SPAG16: variants seen among roughly 807,000 people sequenced by gnomAD.
SPAG16 encodes the protein sperm-associated antigen 16 protein.
Under a neutral mutation model 80.4 loss-of-function variants are expected in SPAG16, and 86 were observed. The observed-to-expected ratio is 1.07, with a 90% CI of 0.90 to 1.28. The LOEUF (loss-of-function observed/expected upper bound fraction) is 1.28, where lower values mean the gene tolerates loss of function less well. SPAG16 is among the 50% of genes most tolerant of loss of function. SPAG16 has a pLI of 0.00. For missense variants in SPAG16, 870 were observed against 765.3 expected (o/e 1.14, Z -1.61); for synonymous variants, 294 against 265.9 (o/e 1.11, Z -1.03).
At position 213,422,153 on chromosome 2, in the gene SPAG16, G is replaced by T. The variant is rs774534493; in HGVS notation, c.942+47034G>T. On this transcript the variant is annotated intron_variant, in intron 9 of 15. Transcript: ENST00000331683. ...CACTTTGCAGGTGATGAGAAGGAGAGAAGAGCTGTGGCCCTTCAGGGAGCC... is the reference window on the plus strand; with the variant it reads ...CACTTTGCAGGTGATGAGAAGGAGATAAGAGCTGTGGCCCTTCAGGGAGCC... The T allele has an allele frequency of 4.3e-6, 3 of 699,160 alleles. No individual in the cohort carries two copies. The South Asian group carries it at 4.4e-5, about 10-fold the overall frequency. The allele number at this position is 699,160 out of a possible 1,614,324, so 43.3% of individuals were successfully genotyped here.
chr2:213,953,063 G>A (rs1447438015), intron 12 of SPAG16, among the ~76,000 whole-genome samples: 4 of 151,570 alleles, frequency 2.6e-5, no homozygotes, highest in Non-Finnish European at 4.4e-5. Flanking sequence ...AAAAAAGTGA[G>A]AAATATTACA....
chr2:214,117,591 A>T (rs960984724), intron 14 of SPAG16, among the ~76,000 whole-genome samples: 12 of 152,226 alleles, frequency 7.9e-5, no homozygotes, highest in Non-Finnish European at 2.9e-5. Context: ...ATGAACATAG[A>T]TGCAAAAACT....
chr2:213,742,825 G>A (rs2067631056), intron 10 of SPAG16, among the ~76,000 whole-genome samples: 1 of 152,096 alleles, frequency 6.6e-6, no homozygotes, highest in Non-Finnish European at 1.5e-5. Context: ...GTAATCCTGA[G>A]TAGCTGGGAT....
chr2:213,392,832 C>A lies in SPAG16; in HGVS notation c.942+17713C>A, dbSNP rs1010723842. On this transcript the variant is annotated intron_variant, in intron 9 of 15. Transcript: ENST00000331683. The stretch of plus-strand genomic sequence containing the variant: ...CTGCACTCCATCCTGGGTGATGGAG[C>A]GAGACTCTGTCTCTTAAAAAAAAAA... 1.5e-4 allele frequency among the ~76,000 whole-genome samples: 23 copies of A among 150,502 alleles called. 1 individual carries two copies. Among genetic ancestry groups the A allele is most frequent in the Middle Eastern group, 6.8e-3 (2 of 294 alleles).
chr2:213,570,920 C>A (rs2059895940), intron 10 of SPAG16, among the ~76,000 whole-genome samples: 1 of 37,160 alleles, frequency 2.7e-5, no homozygotes. Flanking sequence ...TCTGGGTGCT[C>A]CTGTATTGGG....
At chr2:213,778,468 G>A (rs2069737829) in intron 10 of SPAG16, among the ~76,000 whole-genome samples, 2 of 152,050 alleles carry the variant, frequency 1.3e-5, no homozygotes, top group Admixed American at 1.3e-4. Flanking sequence ...AGGGCAGTAT[G>A]TAGTATGCTT....
intron 9 of SPAG16, among the ~76,000 whole-genome samples, chr2:213,456,396 G>T (rs2072013485): frequency 6.6e-6 from 1 of 152,112 alleles, no homozygotes; most frequent in South Asian, 2.1e-4. Flanking sequence ...TGTGTGGCTA[G>T]GGAAACAGTT....
intron 10 of SPAG16, among the ~76,000 whole-genome samples, chr2:213,545,567 C>G (rs2076584992): frequency 6.6e-6 from 1 of 151,488 alleles, no homozygotes; most frequent in Admixed American, 6.6e-5. Context: ...TTCTGTTATG[C>G]TATCTTCTAG....
intron 10 of SPAG16, among the ~76,000 whole-genome samples, chr2:213,778,429 G>A (rs966845408): frequency 1.3e-5 from 2 of 152,130 alleles, no homozygotes; most frequent in Non-Finnish European, 2.9e-5. Context: ...TATAATAGGG[G>A]CAAAAATTTT....
intron 10 of SPAG16, among the ~76,000 whole-genome samples, chr2:213,594,170 G>A (rs953614707): frequency 5.9e-5 from 9 of 152,132 alleles, no homozygotes; most frequent in African/African-American, 2.2e-4. Flanking sequence ...TGGCACTGAT[G>A]TAGGTCAGAC....
At chr2:213,857,271 C>T (rs1338870483) in intron 10 of SPAG16, among the ~76,000 whole-genome samples, 1 of 152,132 alleles carries the variant, frequency 6.6e-6, no homozygotes, top group Non-Finnish European at 1.5e-5. Context: ...ATTGGAAGAA[C>T]ATATTATTTA....
chr2:214,057,378 G>A (rs1159899537), intron 13 of SPAG16, among the ~76,000 whole-genome samples: 1 of 152,002 alleles, frequency 6.6e-6, no homozygotes, highest in Non-Finnish European at 1.5e-5. Context: ...GAGCTCCTGG[G>A]TGACCTGGTT....
intron 10 of SPAG16, among the ~76,000 whole-genome samples, chr2:213,862,194 C>T (rs1008128556): frequency 1.3e-5 from 2 of 152,172 alleles, no homozygotes; most frequent in Admixed American, 6.5e-5. Flanking sequence ...ACCATAATTA[C>T]TCTTTTCAAA....
chr2:213,549,483 C>T (rs1447363399), intron 10 of SPAG16, among the ~76,000 whole-genome samples: 3 of 152,134 alleles, frequency 2.0e-5, no homozygotes, highest in Non-Finnish European at 4.4e-5. Flanking sequence ...ACTTCTCACT[C>T]TGCAGTCCTA....
intron 15 of SPAG16, among the ~76,000 whole-genome samples, chr2:214,393,089 C>G (rs1184449284): frequency 6.6e-6 from 1 of 152,140 alleles, no homozygotes; most frequent in Non-Finnish European, 1.5e-5. Flanking sequence ...TTCTATAGAA[C>G]TTGATTTCTT....
At chr2:214,224,178 T>C (rs2125783295) in intron 15 of SPAG16, among the ~76,000 whole-genome samples, 1 of 152,220 alleles carries the variant, frequency 6.6e-6, no homozygotes, top group Non-Finnish European at 1.5e-5. Context: ...TAATTTTGAG[T>C]TTCTTAAGAC....
At chr2:214,100,911 A>G (rs2052970899) in intron 13 of SPAG16, among the ~76,000 whole-genome samples, 1 of 152,106 alleles carries the variant, frequency 6.6e-6, no homozygotes, top group South Asian at 2.1e-4. Flanking sequence ...TGGAGGAAAA[A>G]AAATGAGTGA....
intron 10 of SPAG16, among the ~76,000 whole-genome samples, chr2:213,721,163 G>C (rs1247886559): frequency 6.6e-6 from 1 of 152,032 alleles, no homozygotes; most frequent in Non-Finnish European, 1.5e-5. Flanking sequence ...GCAGTGGCTT[G>C]ATCTCGGCTC....
rs200399303 is a variant in SPAG16 at position 214,179,926 on chromosome 2, T to A, written c.1720+30660T>A. Among the ~76,000 whole-genome samples the A allele has an allele frequency of 2.2e-4, 34 of 151,672 alleles. No individual in the cohort carries two copies. In the East Asian group the frequency reaches 6.6e-3, roughly 29 times the overall value. Reference sequence around the variant, plus strand: ...GTTTTGGAAAAACATGTAAATGGTGTTAGAATAGTTCAGCTATTACTAAGC... The same window carrying A: ...GTTTTGGAAAAACATGTAAATGGTGATAGAATAGTTCAGCTATTACTAAGC... On this transcript the variant is annotated intron_variant, in intron 15 of 15. Transcript: ENST00000331683.
Sources: allele counts gnomAD v4.1 joint callset (sites outside exome capture counted in the v4.1 genomes callset), GRCh38; gene constraint gnomAD v4.1.1; transcripts MANE v1.5; gene names NCBI Gene and HGNC (gene_info 2026-07-23, HGNC 2026-07-21).